ZNF626: variants seen among roughly 807,000 people sequenced by gnomAD.
ZNF626 encodes zinc finger protein 626.
A neutral mutation model predicts 11.7 loss-of-function variants in ZNF626; 4 were observed. The ratio of observed to expected loss-of-function variants is 0.34; its 90% CI spans 0.17 to 0.78. ZNF626 has a LOEUF of 0.78. ZNF626 is among the 30% of genes least tolerant of loss of function. The pLI is 0.57. For missense variants in ZNF626, 588 were observed against 587.1 expected (o/e 1.00, Z -0.01); for synonymous variants, 179 against 198.6 (o/e 0.90, Z 0.83).
At chr19:20,657,936 G>A (rs1249815894) in intron 1 of ZNF626, among the ~76,000 whole-genome samples, 5 of 152,044 alleles carry the variant, frequency 3.3e-5, no homozygotes, top group Admixed American at 3.3e-4. Flanking sequence ...CAGACACTGA[G>A]GCCTAGTTGA....
At chr19:20,637,081 A>T (rs1470479939) in intron 3 of ZNF626, among the ~76,000 whole-genome samples, 2 of 151,626 alleles carry the variant, frequency 1.3e-5, no homozygotes, top group African/African-American at 4.8e-5. Context: ...CCTGGGCCAT[A>T]GAGTGAGACT....
rs782332132 is a variant in ZNF626, at chr19:20,622,319, ATTTC to A, written c.*1967_*1970del. On this transcript the variant is annotated 3_prime_UTR_variant, in exon 4 of 4. Transcript: ENST00000601440. ...AATAATTGATATACTTTAATTTATAATTTCTTTCTCTCAGTATAATGTAGAAAAG... is the reference window on the plus strand; with the variant it reads ...AATAATTGATATACTTTAATTTATAATTTCTCTCAGTATAATGTAGAAAAG... 5 of 152,214 alleles carry A rather than the reference ATTTC, an allele frequency of 3.3e-5. No individual in the cohort carries two copies. The highest frequency in any genetic ancestry group is 5.9e-5 in the Non-Finnish European group (4 of 68,024). The allele number at this position is 152,214 out of a possible 1,614,324, so 9.4% of individuals were successfully genotyped here.
At position 20,620,891 on chromosome 19, in the gene ZNF626, G is replaced by A. The variant is rs1287691682; in HGVS notation, c.*3399C>T. ...GTCTTGCTCTGTTGCCCAGGCTGGA[G>A]TGCAGTGGCACGATCTCGGCTCACT... On this transcript the variant is annotated 3_prime_UTR_variant, in exon 4 of 4. Transcript: ENST00000601440. 1 of 151,726 alleles carries A rather than the reference G, an allele frequency of 6.6e-6. No individual in the cohort carries two copies. Among genetic ancestry groups the A allele is most frequent in the Non-Finnish European group, 1.5e-5 (1 of 68,344 alleles). The allele number at this position is 151,726 out of a possible 1,614,324, so 9.4% of individuals were successfully genotyped here.
chr19:20,640,175 A>G (rs1970007514), intron 3 of ZNF626, among the ~76,000 whole-genome samples: 1 of 148,224 alleles, frequency 6.7e-6, no homozygotes, highest in Non-Finnish European at 1.5e-5. Flanking sequence ...TATATTTTTA[A>G]TAAAATATTA....
intron 1 of ZNF626, among the ~76,000 whole-genome samples, chr19:20,653,389 C>G (rs1198541436): frequency 6.6e-6 from 1 of 152,108 alleles, no homozygotes. Context: ...ATAATTAGTT[C>G]ACAAGTAGAA....
intron 3 of ZNF626, among the ~76,000 whole-genome samples, chr19:20,642,402 A>C (rs1970033125): frequency 1.3e-5 from 2 of 152,170 alleles, no homozygotes; most frequent in South Asian, 4.1e-4. Context: ...GTTTGAGATT[A>C]GCCTGAACAA....
chr19:20,634,300 CA>C (rs1208976753), intron 3 of ZNF626, among the ~76,000 whole-genome samples: 1 of 152,062 alleles, frequency 6.6e-6, no homozygotes. Context: ...AGTAAAAAAA[CA>C]ATTATTTCTA....
At chr19:20,657,384 TAAAATA>T (rs1555773228) in intron 1 of ZNF626, among the ~76,000 whole-genome samples, 1 of 149,226 alleles carries the variant, frequency 6.7e-6, no homozygotes, top group African/African-American at 2.5e-5. Context: ...AAAAATAAAA[TAAAATA>T]AAAGATTTAG....
At chr19:20,626,996 G>A (rs1555769837) in intron 3 of ZNF626, among the ~76,000 whole-genome samples, 1 of 151,740 alleles carries the variant, frequency 6.6e-6, no homozygotes, top group Non-Finnish European at 1.5e-5. Context: ...GAGCCTGGGT[G>A]ACAGAAAAAG....
At chr19:20,647,446 T>C (rs536397506) in intron 1 of ZNF626, among the ~76,000 whole-genome samples, 1 of 151,558 alleles carries the variant, frequency 6.6e-6, no homozygotes, top group Admixed American at 6.6e-5. Flanking sequence ...AATTAATTAA[T>C]GGTTAATGCA....
chr19:20,641,466 G>C (rs1378420226), intron 3 of ZNF626, among the ~76,000 whole-genome samples: 3 of 152,142 alleles, frequency 2.0e-5, no homozygotes, highest in African/African-American at 7.2e-5. Context: ...TGTCTGTCAA[G>C]GGCTGGAGAG....
chr19:20,628,867 T>TC (rs1475983966), intron 3 of ZNF626, among the ~76,000 whole-genome samples: 3 of 152,236 alleles, frequency 2.0e-5, no homozygotes, highest in Non-Finnish European at 4.4e-5. Flanking sequence ...CATGCCTATG[T>TC]CCTGAATGGT....
At chr19:20,629,958 T>A (rs538946603) in intron 3 of ZNF626, among the ~76,000 whole-genome samples, 61 of 152,336 alleles carry the variant, frequency 4.0e-4, no homozygotes, top group African/African-American at 1.5e-3. Flanking sequence ...GACCCATCAA[T>A]ACCTAATTTA....
chr19:20,655,755 T>C (rs1216303246), intron 1 of ZNF626, among the ~76,000 whole-genome samples: 1 of 151,820 alleles, frequency 6.6e-6, no homozygotes, highest in African/African-American at 2.4e-5. Context: ...ACCCCGTCTC[T>C]ACTAAAAATA....
At chr19:20,643,972 T>C (rs1970049116) in intron 3 of ZNF626, among the ~76,000 whole-genome samples, 1 of 152,182 alleles carries the variant, frequency 6.6e-6, no homozygotes, top group South Asian at 2.1e-4. Context: ...CAGACCAGGA[T>C]AGGGTTCACC....
intron 1 of ZNF626, among the ~76,000 whole-genome samples, chr19:20,646,657 AG>A: frequency 6.6e-6 from 1 of 152,372 alleles, no homozygotes; most frequent in Non-Finnish European, 1.5e-5. Context: ...ATTAAGGGCA[AG>A]AACAGGAACA....
chr19:20,624,177 A>G lies in ZNF626; in HGVS notation c.*113T>C, dbSNP rs782519054. On this transcript the variant is annotated 3_prime_UTR_variant, in exon 4 of 4. Coordinates refer to ENST00000601440, the MANE Select transcript of ZNF626 (RefSeq NM_001076675.3). ...GCTTAAAGGCTTTGCCACATTCTTC[A>G]CATCTGTAGGGTTTTTTTCCAGTAT... 3.2e-6 allele frequency: 5 copies of G among 1,557,594 alleles called. No homozygotes were observed. The East Asian group carries it at 9.0e-5, about 28-fold the overall frequency.
intron 3 of ZNF626, among the ~76,000 whole-genome samples, chr19:20,630,637 A>AT (rs547679526): frequency 0.073 from 11,156 of 151,928 alleles, 1,127 homozygotes; most frequent in African/African-American, 0.24. Context: ...CCCCTTTATC[A>AT]TTTTTTATTG....
In ZNF626 at chr19:20,660,419, A is replaced by G. The variant is rs185180130; in HGVS notation, c.3+1025T>C. Among the ~76,000 whole-genome samples the G allele has an allele frequency of 3.3e-5, 5 of 152,096 alleles. No homozygotes were observed. In the East Asian group the frequency reaches 7.7e-4, roughly 24 times the overall value. ...ATGTTTACATAAAGGAATTTTTAAG[A>G]TGCTTACTTTTTTTTTCTTTTTTTT... is the stretch of plus-strand genomic sequence containing the variant. On this transcript the variant is annotated intron_variant, in intron 1 of 3. Transcript: ENST00000601440.
Sources: allele counts gnomAD v4.1 joint callset (sites outside exome capture counted in the v4.1 genomes callset), GRCh38; gene constraint gnomAD v4.1.1; transcripts MANE v1.5; gene names NCBI Gene and HGNC (gene_info 2026-07-23, HGNC 2026-07-21).